The following RIMBP2 variants were observed in gnomAD, a reference collection of about 807,000 sequenced individuals.
RIMBP2 encodes the protein RIMS binding protein 2.
RIMBP2 carries 48 observed loss-of-function variants against 118.6 expected under a neutral mutation model. The observed-to-expected ratio is 0.40, with a 90% CI of 0.32 to 0.51. RIMBP2 has a LOEUF of 0.51. RIMBP2 is among the 20% of genes least tolerant of loss of function. RIMBP2 has a pLI of 0.41. For synonymous variants in RIMBP2, 762 were observed against 742.9 expected, an observed-to-expected ratio of 1.03 and a Z score of -0.42; for missense variants, 1,551 against 1,768.3, an observed-to-expected ratio of 0.88 and a Z score of 2.20.
chr12:130,521,523 AACGC>A (rs561896377), intron 2 of RIMBP2, among the ~76,000 whole-genome samples: 1 of 152,290 alleles, frequency 6.6e-6, no homozygotes, highest in East Asian at 1.9e-4. Context: ...AGATCACACA[AACGC>A]ACGCGTGGTC....
At chr12:130,542,716 C>T (rs2054725333) in intron 2 of RIMBP2, among the ~76,000 whole-genome samples, 1 of 152,216 alleles carries the variant, frequency 6.6e-6, no homozygotes, top group Non-Finnish European at 1.5e-5. Context: ...GTCCTTGTGA[C>T]TCTAGATGCA....
In RIMBP2 at chr12:130,402,365, T is replaced by G. The variant is rs138033835; in HGVS notation, c.3766-2552A>C. ...TCGAAGGCTCCCCCAGACGACATTCTCTGTCCCTCTGACTGGCAGTCAGAA... is the reference window on the plus strand; with the variant it reads ...TCGAAGGCTCCCCCAGACGACATTCGCTGTCCCTCTGACTGGCAGTCAGAA... On this transcript the variant is annotated intron_variant, in intron 21 of 22. Coordinates refer to ENST00000690449, the MANE Select transcript of RIMBP2 (RefSeq NM_001393629.1). 6.1e-3 allele frequency among the ~76,000 whole-genome samples: 925 copies of G among 152,244 alleles called. 13 individuals carry two copies. Among genetic ancestry groups the G allele is most frequent in the African/African-American group, 0.021 (887 of 41,542 alleles).
At chr12:130,711,295 A>G (rs1368270767) in intron 1 of RIMBP2, among the ~76,000 whole-genome samples, 3 of 152,178 alleles carry the variant, frequency 2.0e-5, no homozygotes, top group East Asian at 1.9e-4. Context: ...AGAAGCCCCA[A>G]TTTCCTCCAT....
intron 6 of RIMBP2, among the ~76,000 whole-genome samples, chr12:130,460,356 A>G (rs2079869132): frequency 6.6e-6 from 1 of 152,128 alleles, no homozygotes; most frequent in Non-Finnish European, 1.5e-5. Context: ...TGGTGGCAGT[A>G]TTGGTATTGA....
At chr12:130,595,313 C>T (rs2059489304) in intron 2 of RIMBP2, among the ~76,000 whole-genome samples, 1 of 152,004 alleles carries the variant, frequency 6.6e-6, no homozygotes, top group Non-Finnish European at 1.5e-5. Flanking sequence ...AATCCCAGCA[C>T]TTTGGGAGGC....
chr12:130,535,342 A>AT (rs907272776), intron 2 of RIMBP2, among the ~76,000 whole-genome samples: 35 of 112,006 alleles, frequency 3.1e-4, no homozygotes, highest in East Asian at 6.7e-4. Flanking sequence ...CAACTAAAAA[A>AT]TTAAAAAAAA....
intron 11 of RIMBP2, among the ~76,000 whole-genome samples, chr12:130,441,074 A>G (rs1213739085): frequency 1.3e-5 from 2 of 152,132 alleles, no homozygotes; most frequent in Non-Finnish European, 2.9e-5. Flanking sequence ...CATCGCGGCG[A>G]AAATAGCTTC....
At chr12:130,483,199 T>C (rs2082173174) in intron 4 of RIMBP2, among the ~76,000 whole-genome samples, 1 of 132,300 alleles carries the variant, frequency 7.6e-6, no homozygotes, top group Non-Finnish European at 1.6e-5. Context: ...ATGTGTCAGA[T>C]TCTGCAGGGG....
At chr12:130,667,041 AAGGG>A (rs2063956487) in intron 1 of RIMBP2, among the ~76,000 whole-genome samples, 1 of 114,662 alleles carries the variant, frequency 8.7e-6, no homozygotes, top group Non-Finnish European at 1.8e-5. Flanking sequence ...AAGAGGGAGG[AAGGG>A]AGGGAGGGAG....
At position 130,455,663 on chromosome 12, in the gene RIMBP2, C is replaced by T. The variant is rs187646558; in HGVS notation, c.358+833G>A. 1.2e-3 allele frequency among the ~76,000 whole-genome samples: 178 copies of T among 152,312 alleles called. 1 individual carries two copies. Among genetic ancestry groups the T allele is most frequent in the Admixed American group, 0.011 (174 of 15,304 alleles). On this transcript the variant is annotated intron_variant, in intron 7 of 22. Coordinates refer to ENST00000690449, the MANE Select transcript of RIMBP2 (RefSeq NM_001393629.1). ...CTCCTTATTTTAATGATAAAAAGCA[C>T]CCAAGGTACTTATATATTCTGATAA...
intron 10 of RIMBP2, among the ~76,000 whole-genome samples, chr12:130,444,049 G>T (rs921851896): frequency 6.6e-6 from 1 of 152,212 alleles, no homozygotes; most frequent in Non-Finnish European, 1.5e-5. Flanking sequence ...CTGCAAAGAG[G>T]CTCCTGGAAT....
intron 2 of RIMBP2, among the ~76,000 whole-genome samples, chr12:130,590,511 G>A (rs1366807986): frequency 2.6e-5 from 4 of 152,154 alleles, no homozygotes; most frequent in Non-Finnish European, 4.4e-5. Flanking sequence ...AGGGCTCCCC[G>A]CAGCCCTCTC....
chr12:130,485,416 C>T (rs2082390470), intron 4 of RIMBP2, among the ~76,000 whole-genome samples: 1 of 152,252 alleles, frequency 6.6e-6, no homozygotes. Flanking sequence ...TGCTCCCGGC[C>T]ACTGCCCCAC....
intron 1 of RIMBP2, among the ~76,000 whole-genome samples, chr12:130,689,299 G>A (rs1224857776): frequency 1.3e-5 from 2 of 152,126 alleles, no homozygotes; most frequent in Non-Finnish European, 2.9e-5. Flanking sequence ...TGAGTGTGGT[G>A]GTGCGTGCCT....
intron 1 of RIMBP2, among the ~76,000 whole-genome samples, chr12:130,701,018 A>G (rs1443560937): frequency 3.3e-5 from 5 of 152,258 alleles, no homozygotes; most frequent in African/African-American, 4.8e-5. Context: ...GTAGTTTTCT[A>G]GGACAGACAA....
intron 1 of RIMBP2, among the ~76,000 whole-genome samples, chr12:130,666,900 G>A (rs371308454): frequency 6.9e-4 from 89 of 129,062 alleles, no homozygotes; most frequent in African/African-American, 2.4e-3. Context: ...AGGAGAGAAC[G>A]AAAGGGAGGG....
At chr12:130,698,009 T>C (rs755560521) in intron 1 of RIMBP2, among the ~76,000 whole-genome samples, 1 of 152,082 alleles carries the variant, frequency 6.6e-6, no homozygotes, top group Non-Finnish European at 1.5e-5. Context: ...CTTCAACAGC[T>C]AACTTGCGGT....
At chr12:130,493,700 A>G (rs1318514966) in intron 4 of RIMBP2, among the ~76,000 whole-genome samples, 1 of 152,168 alleles carries the variant, frequency 6.6e-6, no homozygotes, top group Non-Finnish European at 1.5e-5. Flanking sequence ...AACTCAATAT[A>G]CATATTTAAA....
intron 2 of RIMBP2, among the ~76,000 whole-genome samples, chr12:130,547,627 G>C (rs1415490757): frequency 6.6e-6 from 1 of 152,224 alleles, no homozygotes; most frequent in African/African-American, 2.4e-5. Flanking sequence ...GCTGCAAAAG[G>C]AAATGAAATG....
Sources: allele counts gnomAD v4.1 joint callset (sites outside exome capture counted in the v4.1 genomes callset), GRCh38; gene constraint gnomAD v4.1.1; transcripts MANE v1.5; gene names NCBI Gene and HGNC (gene_info 2026-07-23, HGNC 2026-07-21).